The following MEIS2 variants were observed in gnomAD, a reference collection of about 807,000 sequenced individuals.
MEIS2 encodes homeobox protein Meis2.
Under a neutral mutation model 58.6 loss-of-function variants are expected in MEIS2, and 9 were observed. The observed-to-expected ratio is 0.15, with a 90% CI of 0.09 to 0.27. MEIS2 has a LOEUF of 0.27. Among genes scored for constraint, MEIS2 ranks in the 10% least tolerant of loss-of-function variants. The pLI is 1.00. For missense variants in MEIS2, 427 were observed against 635.0 expected (o/e 0.67, Z 3.52); for synonymous variants, 221 against 228.4 (o/e 0.97, Z 0.29).
chr15:36,975,578 A>T (rs941965815), intron 8 of MEIS2, among the ~76,000 whole-genome samples: 3 of 151,546 alleles, frequency 2.0e-5, no homozygotes, highest in African/African-American at 7.3e-5. Flanking sequence ...ACAGTCTGAG[A>T]AGGTAAGTGA....
intron 7 of MEIS2, among the ~76,000 whole-genome samples, chr15:37,057,222 G>T (rs979518342): frequency 2.6e-5 from 4 of 152,160 alleles, no homozygotes; most frequent in Non-Finnish European, 4.4e-5. Context: ...TTGATTAAGC[G>T]TAGACCCTGA....
chr15:36,923,027 A>G (rs1205502531), intron 9 of MEIS2, among the ~76,000 whole-genome samples: 1 of 152,212 alleles, frequency 6.6e-6, no homozygotes, highest in Non-Finnish European at 1.5e-5. Flanking sequence ...AAACAAACAA[A>G]AAAATCTTGC....
At chr15:37,093,050 C>A (rs1893739026) in intron 6 of MEIS2, among the ~76,000 whole-genome samples, 1 of 152,058 alleles carries the variant, frequency 6.6e-6, no homozygotes, top group Non-Finnish European at 1.5e-5. Flanking sequence ...TAGCAAAAGC[C>A]CTGAGAATTG....
intron 7 of MEIS2, among the ~76,000 whole-genome samples, chr15:37,073,231 A>G (rs1019214393): frequency 3.3e-5 from 5 of 152,088 alleles, no homozygotes. Flanking sequence ...GTGAAGAAAC[A>G]AACATTCAGA....
At chr15:36,956,021 CAAAAAAAAAAAA>C (rs757524401) in intron 8 of MEIS2, among the ~76,000 whole-genome samples, 1 of 46,618 alleles carries the variant, frequency 2.1e-5, no homozygotes, top group African/African-American at 8.7e-5. Flanking sequence ...ACTAAAAATA[CAAAAAAAAAAAA>C]AAAAAAAAAA....
At chr15:37,083,372 A>G (rs917311710) in intron 7 of MEIS2, among the ~76,000 whole-genome samples, 2 of 152,228 alleles carry the variant, frequency 1.3e-5, no homozygotes, top group African/African-American at 4.8e-5. Context: ...TTAGAGGCAT[A>G]ATTGCTTGAT....
intron 8 of MEIS2, among the ~76,000 whole-genome samples, chr15:36,967,919 G>A (rs528468681): frequency 7.9e-5 from 12 of 152,260 alleles, no homozygotes; most frequent in Non-Finnish European, 1.6e-4. Context: ...TGCTATTTTG[G>A]GGGCTGAAGA....
chr15:37,077,053 T>C (rs185001071), intron 7 of MEIS2, among the ~76,000 whole-genome samples: 7 of 152,252 alleles, frequency 4.6e-5, no homozygotes, highest in Non-Finnish European at 8.8e-5. Flanking sequence ...CGTGAAATGA[T>C]TGGTTGAAAA....
intron 8 of MEIS2, among the ~76,000 whole-genome samples, chr15:37,022,636 T>C (rs986374954): frequency 6.6e-6 from 1 of 152,152 alleles, no homozygotes; most frequent in Non-Finnish European, 1.5e-5. Context: ...TTTTATTCAC[T>C]TCATTGTTTT....
intron 9 of MEIS2, among the ~76,000 whole-genome samples, chr15:36,946,258 T>C (rs924177147): frequency 2.0e-5 from 3 of 151,280 alleles, no homozygotes; most frequent in Non-Finnish European, 4.4e-5. Context: ...AAAATAACCT[T>C]CTTTGTCTTT....
chr15:37,087,657 T>C (rs1233812013), intron 6 of MEIS2, among the ~76,000 whole-genome samples: 1 of 152,136 alleles, frequency 6.6e-6, no homozygotes, highest in Non-Finnish European at 1.5e-5. Context: ...GAAAAGAGCA[T>C]AGAGAGGACA....
At chr15:36,934,653 C>T (rs1357285334) in intron 9 of MEIS2, among the ~76,000 whole-genome samples, 1 of 152,132 alleles carries the variant, frequency 6.6e-6, no homozygotes, top group Non-Finnish European at 1.5e-5. Flanking sequence ...TTTTTCATCT[C>T]CTGTATGAGC....
At position 36,891,318 on chromosome 15, in the gene MEIS2, A is replaced by G. The variant is rs1410962146; in HGVS notation, c.*855T>C. 6.6e-6 allele frequency: 1 copy of G among 152,490 alleles called. No individual in the cohort carries two copies. The highest frequency in any genetic ancestry group is 2.4e-5 in the African/African-American group (1 of 41,434). The allele number at this position is 152,490 out of a possible 1,614,324, so 9.4% of individuals were successfully genotyped here. A position where few individuals can be genotyped will look rare whatever the true frequency, so the allele number is the denominator to read the frequency against. On this transcript the variant is annotated 3_prime_UTR_variant, in exon 12 of 12. Coordinates refer to ENST00000561208, the MANE Select transcript of MEIS2 (RefSeq NM_170675.5). ...AATTAATAGACCGAACTCTGTACGA[A>G]GTTTGTTACAGTATTCTCTTGCTCC... is the stretch of plus-strand genomic sequence containing the variant.
intron 9 of MEIS2, among the ~76,000 whole-genome samples, chr15:36,903,273 A>T (rs1442327535): frequency 2.0e-5 from 3 of 152,214 alleles, no homozygotes; most frequent in Non-Finnish European, 4.4e-5. Context: ...GTAGCTATTT[A>T]TCATGCACTA....
At chr15:37,022,379 G>C (rs1024315669) in intron 8 of MEIS2, among the ~76,000 whole-genome samples, 2 of 152,030 alleles carry the variant, frequency 1.3e-5, no homozygotes, top group African/African-American at 4.8e-5. Context: ...TGGAACTAAA[G>C]GTGCACACCA....
intron 7 of MEIS2, among the ~76,000 whole-genome samples, chr15:37,043,092 T>A (rs2062499467): frequency 1.3e-5 from 2 of 152,240 alleles, no homozygotes; most frequent in Admixed American, 6.5e-5. Flanking sequence ...CAGCCATGTC[T>A]CTTCAGAGAA....
chr15:37,027,591 G>T (rs1262523178), intron 8 of MEIS2, among the ~76,000 whole-genome samples: 1 of 152,022 alleles, frequency 6.6e-6, no homozygotes, highest in African/African-American at 2.4e-5. Context: ...TTATTCAAGG[G>T]TCCTCAATTC....
chr15:37,095,245 T>A (rs1292889386), intron 4 of MEIS2, among the ~76,000 whole-genome samples: 1 of 128,976 alleles, frequency 7.8e-6, no homozygotes, highest in Non-Finnish European at 1.6e-5. Context: ...CTCGGCCGCC[T>A]GCCCCGGCAA....
chr15:36,993,862 A>G (rs2060382225), intron 8 of MEIS2, among the ~76,000 whole-genome samples: 1 of 152,178 alleles, frequency 6.6e-6, no homozygotes, highest in African/African-American at 2.4e-5. Context: ...GAGATTACAT[A>G]TATATAAATG....
Sources: allele counts gnomAD v4.1 joint callset (sites outside exome capture counted in the v4.1 genomes callset), GRCh38; gene constraint gnomAD v4.1.1; transcripts MANE v1.5; gene names NCBI Gene and HGNC (gene_info 2026-07-23, HGNC 2026-07-21).